The following NPHP4 variants were observed in gnomAD, a reference collection of about 807,000 sequenced individuals.
The protein encoded by NPHP4 is nephrocystin 4.
NPHP4 carries 151 observed loss-of-function variants against 155.8 expected under a neutral mutation model. The observed-to-expected ratio is 0.97, with a 90% CI of 0.85 to 1.11. The LOEUF is 1.11. NPHP4 is among the 50% of genes least tolerant of loss of function. The pLI is 0.00. For missense variants in NPHP4, 1,956 were observed against 1,925.7 expected, an observed-to-expected ratio of 1.02 and a Z score of -0.29; for synonymous variants, 845 against 816.8, an observed-to-expected ratio of 1.03 and a Z score of -0.59.
rs1035939641 is a variant in NPHP4, at chr1:5,939,856, G to A, written c.1120-6527C>T. 3.2e-4 allele frequency among the ~76,000 whole-genome samples: 49 copies of A among 152,058 alleles called. 1 individual carries two copies. Among genetic ancestry groups the A allele is most frequent in the African/African-American group, 1.1e-3 (44 of 41,384 alleles). On this transcript the variant is annotated intron_variant, in intron 9 of 29. Transcript: ENST00000378156. Reference sequence around the variant, plus strand: ...GGAGCAAGAAGCTTTCTTTCATTACGGGCCACCAGCAGGGAAAAAAGTTAG... The same window carrying A: ...GGAGCAAGAAGCTTTCTTTCATTACAGGCCACCAGCAGGGAAAAAAGTTAG...
chr1:5,875,224 C>G lies in NPHP4; in HGVS notation c.2818-124G>C. The G allele has an allele frequency of 3.9e-6, 3 of 763,712 alleles. No homozygotes were observed. The East Asian group carries it at 8.0e-5, about 20-fold the overall frequency. 47.3% of individuals were successfully genotyped at this position (763,712 alleles called of 1,614,324 possible). ...CATTTCTCCACAAGCATCGCCACCA[C>G]CACCCCCTTCCTTGACCATGTGGTC... On this transcript the variant is annotated intron_variant, in intron 20 of 29. Transcript: ENST00000378156.
intron 5 of NPHP4, among the ~76,000 whole-genome samples, chr1:5,964,937 A>ATTTTTTTTTTTTTT (rs1400602210): frequency 3.8e-4 from 21 of 54,930 alleles, no homozygotes; most frequent in African/African-American, 1.0e-3. Context: ...ATATATATAT[A>ATTTTTTTTTTTTTT]TATATTTTTT....
chr1:5,867,947 GCTT>G lies in NPHP4; in HGVS notation c.3316-54_3316-52del, dbSNP rs1196873642. 1 of 1,599,106 alleles carries G rather than the reference GCTT, an allele frequency of 6.3e-7. No homozygotes were observed. Among genetic ancestry groups the G allele is most frequent in the African/African-American group, 1.3e-5 (1 of 74,732 alleles). ...GGGATGGGCACGAGGCTTGTGAGCA[GCTT>G]CTTGTCCCTCCTTAGACAGCACACG... On this transcript the variant is annotated intron_variant, in intron 23 of 29. Coordinates refer to ENST00000378156, the MANE Select transcript of NPHP4 (RefSeq NM_015102.5). This position sits in a 1 kb window ranked among gnomAD's most constrained non-coding sequence, Gnocchi z 4.1.
intron 5 of NPHP4, among the ~76,000 whole-genome samples, chr1:5,964,941 A>ATTTTTTTTTTTTTTTTTTTTT (rs55734317): frequency 1.2e-4 from 7 of 59,410 alleles, no homozygotes; most frequent in East Asian, 3.9e-4. Flanking sequence ...ATATATATAT[A>ATTTTTTTTTTTTTTTTTTTTT]TTTTTTTTTT....
chr1:5,908,728 G>A (rs1006440551), intron 12 of NPHP4, among the ~76,000 whole-genome samples: 3 of 152,198 alleles, frequency 2.0e-5, no homozygotes, highest in Non-Finnish European at 2.9e-5. Flanking sequence ...CACCAGCATC[G>A]GCTGCTTGGC....
chr1:5,880,138 GGCT>G lies in NPHP4; in HGVS notation c.2584_2586del (p.Ser862del). On this transcript the variant is annotated inframe_deletion, in exon 19 of 30. Transcript: ENST00000378156. ...CGCCTTGAGCTTCCAGTCGTGAGGA[GGCT>G]GCCTCCAGAGAAGCGGCTGGCTCCA... The G allele has an allele frequency of 6.2e-7, 1 of 1,613,764 alleles. No homozygotes were observed. Among genetic ancestry groups the G allele is most frequent in the Non-Finnish European group, 8.5e-7 (1 of 1,179,780 alleles).
chr1:5,909,009 G>A, intron 12 of NPHP4, 143 bp downstream of exon 12: 1 of 734,996 alleles, frequency 1.4e-6, no homozygotes, highest in Admixed American at 2.0e-5. Flanking sequence ...GGTAGGAGGG[G>A]ACAGCCCCGC....
chr1:5,983,649 T>C (rs948995439), intron 2 of NPHP4, among the ~76,000 whole-genome samples: 2 of 152,220 alleles, frequency 1.3e-5, no homozygotes, highest in African/African-American at 2.4e-5. Flanking sequence ...AGAGTATGAC[T>C]ACATGCTGAG....
At chr1:5,868,955 C>T (rs1641639022) in intron 23 of NPHP4, among the ~76,000 whole-genome samples, 1 of 142,508 alleles carries the variant, frequency 7.0e-6, no homozygotes, top group Admixed American at 7.0e-5. Flanking sequence ...CACACACACA[C>T]AATGCACACA....
At chr1:5,977,189 GGC>G (rs1653761251) in intron 3 of NPHP4, among the ~76,000 whole-genome samples, 1 of 152,046 alleles carries the variant, frequency 6.6e-6, no homozygotes, top group African/African-American at 2.4e-5. Flanking sequence ...TGACATCGCC[GGC>G]TGTTAAGAGT....
intron 6 of NPHP4, among the ~76,000 whole-genome samples, chr1:5,957,772 T>C (rs1649530921): frequency 6.6e-6 from 1 of 152,196 alleles, no homozygotes; most frequent in Non-Finnish European, 1.5e-5. Context: ...ACAAGAACGC[T>C]GCAACAGCGA....
intron 11 of NPHP4, among the ~76,000 whole-genome samples, chr1:5,921,900 C>A (rs1267467010): frequency 6.6e-6 from 1 of 152,234 alleles, no homozygotes; most frequent in Non-Finnish European, 1.5e-5. Context: ...GACTGCTACT[C>A]CTTGCGGTAA....
chr1:5,976,584 A>G (rs1233299322), intron 3 of NPHP4, among the ~76,000 whole-genome samples: 5 of 152,094 alleles, frequency 3.3e-5, no homozygotes, highest in Admixed American at 3.3e-4. Flanking sequence ...CCGCAGTCAC[A>G]CTCATGAAAC....
chr1:5,950,646 C>T (rs770422136), intron 7 of NPHP4, among the ~76,000 whole-genome samples: 3 of 152,156 alleles, frequency 2.0e-5, no homozygotes, highest in African/African-American at 4.8e-5. Context: ...CATCTGCCTC[C>T]ACGAGAGCAA....
chr1:5,867,556 A>T lies in NPHP4; in HGVS notation c.3472+184T>A. 1 of 650,512 alleles carries T rather than the reference A, an allele frequency of 1.5e-6. No homozygotes were observed. Among genetic ancestry groups the T allele is most frequent in the Non-Finnish European group, 2.6e-6 (1 of 383,620 alleles). 40.3% of individuals were successfully genotyped at this position (650,512 alleles called of 1,614,324 possible). A position where few individuals can be genotyped will look rare whatever the true frequency, so the allele number is the denominator to read the frequency against. On this transcript the variant is annotated intron_variant, in intron 24 of 29. Transcript: ENST00000378156. The surrounding 1 kb of genome is among the most constrained non-coding windows in gnomAD (Gnocchi z 4.1). The stretch of plus-strand genomic sequence containing the variant: ...CGGCAAATGCGCACCTAGTCATCTC[A>T]GAGGTGGCAAGAGGGACACCGTTTC...
At chr1:5,928,310 A>G (rs1646115195) in intron 10 of NPHP4, among the ~76,000 whole-genome samples, 1 of 152,274 alleles carries the variant, frequency 6.6e-6, no homozygotes, top group African/African-American at 2.4e-5. Context: ...ATGGAATCAC[A>G]TAATGTATAA....
chr1:5,877,141 G>A lies in NPHP4; in HGVS notation c.2769C>T (p.Arg923=), dbSNP rs1642692262. 6.3e-7 allele frequency: 1 copy of A among 1,594,482 alleles called. No individual in the cohort carries two copies. Among genetic ancestry groups the A allele is most frequent in the Non-Finnish European group, 8.6e-7 (1 of 1,165,342 alleles). Residue 923 remains arginine (R), a synonymous_variant, in exon 20 of 30, where the codon CGC becomes CGT. Coordinates refer to ENST00000378156, the MANE Select transcript of NPHP4 (RefSeq NM_015102.5). ...CCAAGTCTCCCCCGGCCTCCTGCAG[G>A]CGCACAGACCTCATCCGCTCCAGCT... ...RRKLERMRSV[R]LQEAGGDLGR...
chr1:5,956,065 G>T (rs1034358237), intron 6 of NPHP4, among the ~76,000 whole-genome samples: 6 of 150,264 alleles, frequency 4.0e-5, no homozygotes, highest in Admixed American at 3.3e-4. Context: ...AAGCTGGGGG[G>T]GGGGGGTGCA....
chr1:5,963,967 C>T (rs755773201), intron 5 of NPHP4, among the ~76,000 whole-genome samples: 10 of 152,284 alleles, frequency 6.6e-5, no homozygotes, highest in Non-Finnish European at 1.3e-4. Flanking sequence ...GGATTACAGG[C>T]GTGAACCACC....
Sources: allele counts gnomAD v4.1 joint callset (sites outside exome capture counted in the v4.1 genomes callset), GRCh38; gene constraint gnomAD v4.1.1; non-coding constraint Gnocchi (gnomAD v3.1); transcripts MANE v1.5; gene names NCBI Gene and HGNC (gene_info 2026-07-23, HGNC 2026-07-21).